The following RHBDD1 variants were observed in gnomAD, a reference collection of about 807,000 sequenced individuals.
RHBDD1 encodes the protein rhomboid-related protein 4.
RHBDD1 carries 38 observed loss-of-function variants against 36.3 expected under a neutral mutation model. The ratio of observed to expected loss-of-function variants is 1.05; its 90% CI spans 0.81 to 1.37. The LOEUF (loss-of-function observed/expected upper bound fraction) is 1.37, where lower values mean the gene tolerates loss of function less well. Among genes scored for constraint, RHBDD1 ranks in the 40% most tolerant of loss-of-function variants. The probability of loss-of-function intolerance (pLI) is 0.00; values close to 1 mark genes in which losing one functional copy is unlikely to be tolerated. For missense variants in RHBDD1, 393 were observed against 377.6 expected (o/e 1.04, Z -0.34); for synonymous variants, 151 against 136.5 (o/e 1.11, Z -0.74).
At chr2:226,909,953 G>C (rs1022063828) in intron 7 of RHBDD1, among the ~76,000 whole-genome samples, 3 of 152,142 alleles carry the variant, frequency 2.0e-5, no homozygotes, top group Non-Finnish European at 4.4e-5. Context: ...AGGCATCAAG[G>C]GCTTTATTGG....
intron 3 of RHBDD1, among the ~76,000 whole-genome samples, chr2:226,862,326 C>CT (rs1175438337): frequency 6.7e-6 from 1 of 149,450 alleles, no homozygotes; most frequent in Non-Finnish European, 1.5e-5. Flanking sequence ...CCCCAGGTCA[C>CT]AGAGCTAGAA....
chr2:226,895,818 A>G (rs1410452755), intron 5 of RHBDD1: 3 of 985,212 alleles, frequency 3.0e-6, no homozygotes, highest in Non-Finnish European at 3.6e-6. Context: ...CAGCAAAACT[A>G]TTTAGGCTTA....
intron 3 of RHBDD1, among the ~76,000 whole-genome samples, chr2:226,846,836 A>T (rs2125038600): frequency 6.6e-6 from 1 of 152,294 alleles, no homozygotes; most frequent in South Asian, 2.1e-4. Flanking sequence ...ATCAGCCATT[A>T]TTAAATGGTT....
intron 5 of RHBDD1, 162 bp from the exon 6 acceptor site, chr2:226,906,631 T>C: frequency 6.9e-7 from 1 of 1,440,988 alleles, no homozygotes; most frequent in Non-Finnish European, 9.2e-7. Flanking sequence ...GTAGGAGATG[T>C]TGTTCTTTGG....
At chr2:226,858,144 G>A (rs1367747205) in intron 3 of RHBDD1, among the ~76,000 whole-genome samples, 1 of 152,108 alleles carries the variant, frequency 6.6e-6, no homozygotes, top group African/African-American at 2.4e-5. Flanking sequence ...GTGATAAGAA[G>A]CCTCTTGCCA....
At chr2:226,956,190 A>G (rs1365205931) in intron 8 of RHBDD1, among the ~76,000 whole-genome samples, 1 of 152,142 alleles carries the variant, frequency 6.6e-6, no homozygotes, top group African/African-American at 2.4e-5. Flanking sequence ...TGGGAGTCCC[A>G]CTGTGAGTGA....
In RHBDD1 at chr2:226,872,394, C is replaced by T. The variant is rs966172295; in HGVS notation, c.566+5076C>T. On this transcript the variant is annotated intron_variant, in intron 5 of 8. Transcript: ENST00000392062. Reference sequence around the variant, plus strand: ...GCTGCATGCTTTCTGATCTCTTTTTCATATGAAAATAACCTGGCAATAGTA... The same window carrying T: ...GCTGCATGCTTTCTGATCTCTTTTTTATATGAAAATAACCTGGCAATAGTA... Among the ~76,000 whole-genome samples, 3 of 152,264 alleles carry T rather than the reference C, an allele frequency of 2.0e-5. No homozygotes were observed. The South Asian group carries it at 6.2e-4, about 32-fold the overall frequency.
At chr2:226,974,205 G>A (rs1954121887) in intron 8 of RHBDD1, among the ~76,000 whole-genome samples, 1 of 150,646 alleles carries the variant, frequency 6.6e-6, no homozygotes, top group Non-Finnish European at 1.5e-5. Context: ...AGCCCAGAGT[G>A]TTGTATGGGT....
intron 5 of RHBDD1, among the ~76,000 whole-genome samples, chr2:226,880,874 A>G (rs1293685506): frequency 1.3e-5 from 2 of 152,236 alleles, no homozygotes; most frequent in African/African-American, 4.8e-5. Context: ...CCTCTGATTG[A>G]AAGAACAACA....
chr2:226,996,513 A>G lies in RHBDD1; in HGVS notation c.*991A>G, dbSNP rs1025053475. On this transcript the variant is annotated 3_prime_UTR_variant, in exon 9 of 9. Coordinates refer to ENST00000392062, the MANE Select transcript of RHBDD1 (RefSeq NM_001167608.3). ...TTCCTGGTGCTTGTGTTCCATGAAT[A>G]AAAGGACAAAGTCAGAAGATCACTG... 3.9e-5 allele frequency: 6 copies of G among 152,250 alleles called. No homozygotes were observed. Among genetic ancestry groups the G allele is most frequent in the South Asian group, 2.1e-4 (1 of 4,830 alleles). 9.4% of individuals were successfully genotyped at this position (152,250 alleles called of 1,614,324 possible).
At chr2:226,945,170 A>ATTG (rs745849432) in intron 8 of RHBDD1, among the ~76,000 whole-genome samples, 66 of 149,562 alleles carry the variant, frequency 4.4e-4, no homozygotes, top group South Asian at 1.7e-3. Context: ...TATTATTATT[A>ATTG]TTATTATACT....
chr2:226,928,980 A>G (rs896256213), intron 8 of RHBDD1, among the ~76,000 whole-genome samples: 7 of 152,110 alleles, frequency 4.6e-5, no homozygotes, highest in African/African-American at 1.7e-4. Flanking sequence ...GAACAGACCA[A>G]TAACAACCAG....
chr2:226,864,707 C>G lies in RHBDD1; in HGVS notation c.14C>G (p.Ser5Ter). The change falls in exon 4 of 9, where the codon TCA becomes TGA. Residue 5 changes from serine (S) to a stop codon, truncating the protein, a stop_gained. Coordinates refer to ENST00000392062, the MANE Select transcript of RHBDD1 (RefSeq NM_001167608.3). LOFTEE classifies it high-confidence loss of function. The part of the protein sequence containing the change: MQRR[S>*]RGINTGLILL... ...TGATATCTGGCCATGCAACGGAGAT[C>G]AAGAGGGATAAATACTGGACTTATT... 4 of 1,613,680 alleles carry G rather than the reference C, an allele frequency of 2.5e-6. No individual in the cohort carries two copies. The highest frequency in any genetic ancestry group is 3.4e-6 in the Non-Finnish European group (4 of 1,179,748).
chr2:226,883,546 G>C (rs1163914011), intron 5 of RHBDD1, among the ~76,000 whole-genome samples: 1 of 152,142 alleles, frequency 6.6e-6, no homozygotes, highest in Non-Finnish European at 1.5e-5. Context: ...AGTGTTATCT[G>C]GAATAAGGTT....
At chr2:226,841,802 G>GT (rs1460406147) in intron 3 of RHBDD1, among the ~76,000 whole-genome samples, 1 of 152,074 alleles carries the variant, frequency 6.6e-6, no homozygotes, top group Non-Finnish European at 1.5e-5. Context: ...ATTCCTTTGG[G>GT]TATATACCCA....
At chr2:226,902,706 A>T (rs1947697321) in intron 5 of RHBDD1, among the ~76,000 whole-genome samples, 1 of 152,252 alleles carries the variant, frequency 6.6e-6, no homozygotes, top group Non-Finnish European at 1.5e-5. Flanking sequence ...GCTTAAATGA[A>T]ACAAGACCAG....
At chr2:226,838,987 C>G (rs1941316100) in intron 2 of RHBDD1, among the ~76,000 whole-genome samples, 1 of 152,130 alleles carries the variant, frequency 6.6e-6, no homozygotes, top group African/African-American at 2.4e-5. Context: ...GAAATGAGAC[C>G]TCGTTGAAGG....
At chr2:226,831,872 T>C (rs961230574), upstream of RHBDD1, among the ~76,000 whole-genome samples, 4 of 152,130 alleles carry the variant, frequency 2.6e-5, no homozygotes, top group Admixed American at 2.0e-4. Context: ...TTAATTTGGG[T>C]TGGTAGTGAT....
At chr2:226,971,252 C>CTA (rs1953431217) in intron 8 of RHBDD1, among the ~76,000 whole-genome samples, 1 of 152,150 alleles carries the variant, frequency 6.6e-6, no homozygotes, top group African/African-American at 2.4e-5. Context: ...CAGGTGCTTA[C>CTA]TAAATGCTTG....
Sources: gnomAD v4.1 joint callset for allele counts (sites outside exome capture counted in the v4.1 genomes callset) on GRCh38, gnomAD v4.1.1 for gene constraint, MANE v1.5 for transcripts, NCBI Gene and HGNC (gene_info 2026-07-23, HGNC 2026-07-21) for gene names.